USP9X: variants seen among roughly 807,000 people sequenced by gnomAD.
The protein encoded by USP9X is ubiquitin carboxyl-terminal hydrolase 9X.
USP9X carries 7 observed loss-of-function variants against 190.3 expected under a neutral mutation model. The observed-to-expected ratio is 0.04, with a 90% CI of 0.02 to 0.07. USP9X has a LOEUF of 0.07. USP9X is among the 10% of genes least tolerant of loss of function. USP9X has a pLI of 1.00. For synonymous variants in USP9X, 645 were observed against 659.5 expected, an observed-to-expected ratio of 0.98 and a Z score of 0.34; for missense variants, 1,010 against 1,916.9, an observed-to-expected ratio of 0.53 and a Z score of 8.83.
At chrX:41,195,770 A>G (rs1209621060) in intron 26 of USP9X, 3 of 260,673 alleles carry the variant, frequency 1.2e-5, no homozygotes, top group Non-Finnish European at 2.1e-5. Context: ...GGCGGAGCTC[A>G]GGCCATAATG....
chrX:41,179,352 T>C (rs1163630520), intron 21 of USP9X, among the ~76,000 whole-genome samples: 1 of 112,281 alleles, frequency 8.9e-6, no homozygotes, highest in African/African-American at 3.2e-5. Flanking sequence ...TTGGGTAATA[T>C]GGACATTTTA....
chrX:41,219,135 C>T lies in USP9X; in HGVS notation c.6469C>T (p.Leu2157=), dbSNP rs587777319. 1.7e-6 allele frequency: 2 copies of T among 1,208,364 alleles called. No homozygotes were observed. Among genetic ancestry groups the T allele is most frequent in the South Asian group, 3.5e-5 (2 of 56,546 alleles). The change falls in exon 38 of 45, where the codon CTA becomes TTA. Residue 2157 remains leucine (L), a synonymous_variant. Coordinates refer to ENST00000378308, the MANE Select transcript of USP9X (RefSeq NM_001039591.3). ...CAACTTAAGCTTGAGTGATCACTTA[C>T]TAAGAGCAGTACTAAATCTCTTGAG... is the stretch of plus-strand genomic sequence containing the variant. ...YDNLSLSDHL[L]RAVLNLLRRE... is the part of the protein sequence containing the mutation.
At chrX:41,222,688 C>T (rs1302323190) in intron 38 of USP9X, among the ~76,000 whole-genome samples, 1 of 110,582 alleles carries the variant, frequency 9.0e-6, no homozygotes, top group Non-Finnish European at 1.9e-5. Context: ...AAGGCCAAGG[C>T]GGGCAGATCA....
chrX:41,095,420 G>A (rs1251945319), intron 1 of USP9X, among the ~76,000 whole-genome samples: 1 of 112,284 alleles, frequency 8.9e-6, no homozygotes, highest in Non-Finnish European at 1.9e-5. Flanking sequence ...GTGAGGTGCT[G>A]TCCTACTCAG....
intron 1 of USP9X, among the ~76,000 whole-genome samples, chrX:41,106,107 T>C (rs1377337852): frequency 1.8e-5 from 2 of 112,146 alleles, no homozygotes; most frequent in East Asian, 5.5e-4. Flanking sequence ...TACAGTGTTC[T>C]TCGGAGCACA....
At chrX:41,107,402 T>C (rs890310795) in intron 1 of USP9X, among the ~76,000 whole-genome samples, 6 of 112,367 alleles carry the variant, frequency 5.3e-5, no homozygotes, top group Admixed American at 3.8e-4. Flanking sequence ...AAATCAGCTG[T>C]TGGTCTTACT....
intron 32 of USP9X, among the ~76,000 whole-genome samples, chrX:41,207,486 C>T (rs2063113713): frequency 9.0e-6 from 1 of 111,156 alleles, no homozygotes; most frequent in South Asian, 3.7e-4. Context: ...GGAAAATTGC[C>T]CTCACCATTT....
intron 11 of USP9X, 133 bp downstream of exon 11, chrX:41,144,759 G>A (rs984411439): frequency 2.3e-5 from 11 of 479,707 alleles, no homozygotes; most frequent in African/African-American, 5.0e-5. Flanking sequence ...GAAGGAATTG[G>A]CCCATTGTTT....
chrX:41,150,251 C>G (rs2062512146), intron 12 of USP9X, among the ~76,000 whole-genome samples: 1 of 111,118 alleles, frequency 9.0e-6, no homozygotes, highest in Non-Finnish European at 1.9e-5. Flanking sequence ...CACAAACTTG[C>G]AGTTCTGATT....
At chrX:41,112,007 G>C (rs137871151) in intron 1 of USP9X, among the ~76,000 whole-genome samples, 20 of 110,365 alleles carry the variant, frequency 1.8e-4, no homozygotes, top group Non-Finnish European at 3.4e-4. Flanking sequence ...CACCATGCCC[G>C]GCTAATTTTG....
intron 2 of USP9X, among the ~76,000 whole-genome samples, chrX:41,124,756 A>C (rs747262169): frequency 2.7e-5 from 3 of 111,895 alleles, no homozygotes; most frequent in Non-Finnish European, 5.6e-5. Context: ...CTAGCGTTCA[A>C]ATTTCAGCTT....
chrX:41,098,490 A>G (rs1398165048), intron 1 of USP9X, among the ~76,000 whole-genome samples: 1 of 109,189 alleles, frequency 9.2e-6, no homozygotes. Context: ...CTTCGGATAA[A>G]TGGAGTAATA....
intron 1 of USP9X, among the ~76,000 whole-genome samples, chrX:41,097,111 C>G (rs1254693891): frequency 8.9e-6 from 1 of 111,753 alleles, no homozygotes; most frequent in Admixed American, 9.6e-5. Context: ...ACAGCTTGTA[C>G]TGTGAATTTA....
rs774119208 is a variant in USP9X, at chrX:41,216,452, A to G, written c.5885A>G (p.Asp1962Gly). ...GAACGAATGGACACAATAGACCAAG[A>G]TGATGAGTTGATAAGATATATATCA... ...FYERMDTIDQ[D>G]DELIRYISEL... The change falls in exon 35 of 45, where the codon GAT (aspartate) becomes GGT (glycine). Residue 1962 changes from aspartate to glycine, a missense_variant. Around this residue, in one of 11 missense-constraint regions of USP9X, gnomAD observed 31 missense variants for 27.2 expected, o/e 1.14. Transcript: ENST00000378308. 3 of 1,209,617 alleles carry G rather than the reference A, an allele frequency of 2.5e-6. No homozygotes were observed. Among genetic ancestry groups the G allele is most frequent in the African/African-American group, 3.5e-5 (2 of 57,029 alleles).
At chrX:41,189,636 T>C in intron 26 of USP9X, 161 bp downstream of exon 26, 1 of 448,958 alleles carries the variant, frequency 2.2e-6, no homozygotes, top group Non-Finnish European at 3.6e-6. Context: ...TTAACCTAAA[T>C]GTTTGGTTTT....
intron 38 of USP9X, among the ~76,000 whole-genome samples, chrX:41,221,535 C>T (rs1162712874): frequency 2.7e-5 from 3 of 111,360 alleles, no homozygotes; most frequent in African/African-American, 9.8e-5. Context: ...TTGAGCTTTC[C>T]ATCTAGAGTG....
chrX:41,115,323 T>C (rs771821693), intron 1 of USP9X, among the ~76,000 whole-genome samples: 1 of 111,519 alleles, frequency 9.0e-6, no homozygotes, highest in East Asian at 2.8e-4. Context: ...TTAGGTCTCT[T>C]GTCTCTAGTG....
chrX:41,143,490 C>G, intron 10 of USP9X, 47 bp downstream of exon 10: 2 of 1,064,463 alleles, frequency 1.9e-6, no homozygotes, highest in Non-Finnish European at 2.5e-6. Context: ...AATAAAGATA[C>G]TAAAAACTGA....
rs773801822 is a variant in USP9X at position 41,215,753 on chromosome X, A to ATCTTGAT, written c.5332-144_5332-138dup. ...AGCATTTAAATCAGCTGATAGGATT[A>ATCTTGAT]TCTTGATTATGCTCATTGTCATGTA... On this transcript the variant is annotated intron_variant, in intron 34 of 44. Transcript: ENST00000378308. The ATCTTGAT allele has an allele frequency of 5.2e-4, 285 of 551,014 alleles. 1 individual carries two copies. The African/African-American group carries it at 5.9e-3, about 11-fold the overall frequency. 45.4% of individuals were successfully genotyped at this position (551,014 alleles called of 1,213,427 possible). A position where few individuals can be genotyped will look rare whatever the true frequency, so the allele number is the denominator to read the frequency against.
Sources: allele counts gnomAD v4.1 joint callset (sites outside exome capture counted in the v4.1 genomes callset), GRCh38; gene constraint gnomAD v4.1.1; regional missense constraint gnomAD v4.1.1; transcripts MANE v1.5; gene names NCBI Gene and HGNC (gene_info 2026-07-23, HGNC 2026-07-21).